The following POLD3 variants were observed in gnomAD, a reference collection of about 807,000 sequenced individuals.
POLD3 encodes DNA polymerase delta subunit 3.
POLD3 carries 19 observed loss-of-function variants against 58.2 expected under a neutral mutation model. That is an observed-to-expected ratio of 0.33 (90% confidence interval 0.23 to 0.48). The LOEUF (loss-of-function observed/expected upper bound fraction) is 0.48, where lower values mean the gene tolerates loss of function less well. Among genes scored for constraint, POLD3 ranks in the 20% least tolerant of loss-of-function variants. The pLI is 0.99. For missense variants in POLD3, 504 were observed against 545.5 expected (o/e 0.92, Z 0.76); for synonymous variants, 172 against 193.5 (o/e 0.89, Z 0.92).
intron 4 of POLD3, among the ~76,000 whole-genome samples, chr11:74,651,878 C>G (rs2033073056): frequency 6.6e-6 from 1 of 152,160 alleles, no homozygotes; most frequent in Non-Finnish European, 1.5e-5. Context: ...AAAACAATTC[C>G]TGTCATTACA....
chr11:74,612,877 G>A lies in POLD3; in HGVS notation c.260-1G>A. The A allele has an allele frequency of 3.1e-6, 5 of 1,606,708 alleles. No individual in the cohort carries two copies. Among genetic ancestry groups the A allele is most frequent in the Non-Finnish European group, 4.2e-6 (5 of 1,177,758 alleles). ...TGACTGCTTTTCCTGTTGACTTGTAGCAGTGAAGTCCAAGCTAGCTGTGAC... is the reference window on the plus strand; with the variant it reads ...TGACTGCTTTTCCTGTTGACTTGTAACAGTGAAGTCCAAGCTAGCTGTGAC... On this transcript the variant is annotated splice_acceptor_variant, in intron 4 of 11. Transcript: ENST00000263681. LOFTEE classifies it high-confidence loss of function.
intron 2 of POLD3, chr11:74,604,481 C>T: frequency 2.0e-6 from 1 of 503,820 alleles, no homozygotes; most frequent in East Asian, 3.4e-5. Context: ...ATCACTGTGC[C>T]AGCTCCAAAC....
rs117265237 is a variant in POLD3 at position 74,626,358 on chromosome 11, G to T, written c.899+785G>T. On this transcript the variant is annotated intron_variant, in intron 8 of 11. Coordinates refer to ENST00000263681, the MANE Select transcript of POLD3 (RefSeq NM_006591.3). The stretch of plus-strand genomic sequence containing the variant: ...TGCATTCAGTATTTCACTACTAAAT[G>T]TGATGATAAATGTAGATTTTTAATA... Among the ~76,000 whole-genome samples the T allele has an allele frequency of 3.7e-4, 56 of 152,304 alleles. No individual in the cohort carries two copies. In the East Asian group the frequency reaches 0.011, roughly 29 times the overall value.
Position 74,625,614 on chromosome 11 carries a change from G to A in POLD3, c.899+41G>A, listed in dbSNP as rs566618524. On this transcript the variant is annotated intron_variant, in intron 8 of 11. Transcript: ENST00000263681. Reference sequence around the variant, plus strand: ...TGCTTATTGGGGAAGAGTCTTTACTGGGGGTGAGAAGGTCTCTTTGGGCTT... The same window carrying A: ...TGCTTATTGGGGAAGAGTCTTTACTAGGGGTGAGAAGGTCTCTTTGGGCTT... 5 of 1,547,608 alleles carry A rather than the reference G, an allele frequency of 3.2e-6. No individual in the cohort carries two copies. The African/African-American group carries it at 5.5e-5, about 17-fold the overall frequency.
Position 74,611,534 on chromosome 11 carries a change from G to A in POLD3, c.255G>A (p.Leu85=). ...TTGCAGTAGTGAGAGAAGATAAATTGGAAGGTAAGTGTTTTAGTGACTTAG... is the reference window on the plus strand; with the variant it reads ...TTGCAGTAGTGAGAGAAGATAAATTAGAAGGTAAGTGTTTTAGTGACTTAG... The part of the protein sequence containing the change: ...HKVAVVREDK[L]EAVKSKLAVT... Residue 85 remains leucine (L), a synonymous_variant, in exon 4 of 12, where the codon TTG becomes TTA. Coordinates refer to ENST00000263681, the MANE Select transcript of POLD3 (RefSeq NM_006591.3). The A allele has an allele frequency of 6.4e-7, 1 of 1,563,118 alleles. No individual in the cohort carries two copies. Among genetic ancestry groups the A allele is most frequent in the South Asian group, 1.2e-5 (1 of 86,724 alleles).
chr11:74,655,753 A>G (rs929874143), intron 4 of POLD3, among the ~76,000 whole-genome samples: 3 of 152,240 alleles, frequency 2.0e-5, no homozygotes, highest in Non-Finnish European at 4.4e-5. Context: ...AATACCATAT[A>G]TCATACTTTG....
chr11:74,594,836 TA>T (rs1255912100), intron 2 of POLD3, among the ~76,000 whole-genome samples: 1 of 152,172 alleles, frequency 6.6e-6, no homozygotes, highest in Non-Finnish European at 1.5e-5. Flanking sequence ...AAGCCCCTTG[TA>T]AAACCGTCAG....
intron 4 of POLD3, among the ~76,000 whole-genome samples, chr11:74,667,755 G>T (rs952846699): frequency 2.0e-5 from 3 of 152,006 alleles, no homozygotes; most frequent in Non-Finnish European, 4.4e-5. Flanking sequence ...GGACTTCAAA[G>T]GACACTCTCA....
chr11:74,620,508 A>G (rs1004670898), intron 7 of POLD3, among the ~76,000 whole-genome samples: 3 of 152,178 alleles, frequency 2.0e-5, no homozygotes, highest in Admixed American at 6.5e-5. Flanking sequence ...ACAAAAGCAA[A>G]TATTTTGCCT....
At chr11:74,644,489 T>C (rs551416386), downstream of POLD3, among the ~76,000 whole-genome samples, 1 of 152,344 alleles carries the variant, frequency 6.6e-6, no homozygotes, top group African/African-American at 2.4e-5. Context: ...CCCAAATGAC[T>C]GCATTTAGGA....
At chr11:74,623,142 A>G (rs973037931) in intron 7 of POLD3, among the ~76,000 whole-genome samples, 58 of 152,236 alleles carry the variant, frequency 3.8e-4, no homozygotes, top group African/African-American at 1.4e-3. Context: ...CTATAGAGAC[A>G]GAAAGTAGGG....
At chr11:74,614,830 G>T (rs940831505) in intron 5 of POLD3, among the ~76,000 whole-genome samples, 1 of 152,138 alleles carries the variant, frequency 6.6e-6, no homozygotes, top group Non-Finnish European at 1.5e-5. Flanking sequence ...GGCTTGGGCA[G>T]CTGGGTACTA....
chr11:74,654,260 A>T (rs541999372), intron 4 of POLD3, among the ~76,000 whole-genome samples: 1 of 152,252 alleles, frequency 6.6e-6, no homozygotes, highest in Admixed American at 6.5e-5. Flanking sequence ...GAAAAAGACC[A>T]TGCGTACACA....
At position 74,607,420 on chromosome 11, in the gene POLD3, G is replaced by A. The variant is rs190213600; in HGVS notation, c.219+2626G>A. On this transcript the variant is annotated intron_variant, in intron 3 of 11. Transcript: ENST00000263681. The stretch of plus-strand genomic sequence containing the variant: ...TGGGACTACAGGCGCCCGCCACCAC[G>A]CCCGGCTAATTTTTTTTTTTGTATT... 8.7e-4 allele frequency among the ~76,000 whole-genome samples: 130 copies of A among 150,054 alleles called. 1 individual carries two copies. The highest frequency in any genetic ancestry group is 3.0e-3 in the African/African-American group (125 of 41,144).
At chr11:74,628,061 T>G (rs1283022744) in intron 8 of POLD3, among the ~76,000 whole-genome samples, 1 of 152,138 alleles carries the variant, frequency 6.6e-6, no homozygotes, top group Non-Finnish European at 1.5e-5. Flanking sequence ...AATTCTCTAG[T>G]TCTTCTTGGA....
intron 5 of POLD3, among the ~76,000 whole-genome samples, chr11:74,613,260 G>A (rs1235349331): frequency 1.3e-5 from 2 of 151,832 alleles, no homozygotes; most frequent in Non-Finnish European, 2.9e-5. Context: ...CACCAGAAAT[G>A]TTTGTCGTGC....
chr11:74,612,777 C>A, intron 4 of POLD3, 101 bp from the exon 5 acceptor site: 1 of 1,011,262 alleles, frequency 9.9e-7, no homozygotes, highest in Non-Finnish European at 1.4e-6. Flanking sequence ...TTTGGACCAC[C>A]ACAGATTACA....
chr11:74,659,043 C>T (rs947810869), intron 4 of POLD3, among the ~76,000 whole-genome samples: 3 of 152,242 alleles, frequency 2.0e-5, no homozygotes, highest in African/African-American at 7.2e-5. Flanking sequence ...ATGAGGGCCC[C>T]ACTCCTGCAG....
intron 1 of POLD3, chr11:74,592,994 C>A (rs146115530): frequency 1.0e-4 from 138 of 1,329,190 alleles, no homozygotes; most frequent in Non-Finnish European, 1.2e-4. Flanking sequence ...GAGGGAGGGC[C>A]GTTGGCTGAG....
Sources: allele counts gnomAD v4.1 joint callset (sites outside exome capture counted in the v4.1 genomes callset), GRCh38; gene constraint gnomAD v4.1.1; transcripts MANE v1.5; gene names NCBI Gene and HGNC (gene_info 2026-07-23, HGNC 2026-07-21).